LHFPL3: variants seen among roughly 807,000 people sequenced by gnomAD.
LHFPL3 encodes the protein LHFPL tetraspan subfamily member 3 protein.
LHFPL3 carries 5 observed loss-of-function variants against 19.3 expected under a neutral mutation model. The ratio of observed to expected loss-of-function variants is 0.26; its 90% CI spans 0.14 to 0.54. The LOEUF is 0.54. LHFPL3 is among the 20% of genes least tolerant of loss of function. The pLI is 0.94. For synonymous variants in LHFPL3, 133 were observed against 126.2 expected (o/e 1.05, Z -0.36); for missense variants, 249 against 307.4 (o/e 0.81, Z 1.42).
chr7:104,655,941 A>C (rs953385690), intron 1 of LHFPL3, among the ~76,000 whole-genome samples: 1 of 152,226 alleles, frequency 6.6e-6, no homozygotes, highest in Non-Finnish European at 1.5e-5. Flanking sequence ...AGAACTAGGT[A>C]ATATAAGAAT....
chr7:104,329,423 G>A (rs1204694259), intron 1 of LHFPL3, among the ~76,000 whole-genome samples, 199 bp downstream of exon 1: 1 of 152,204 alleles, frequency 6.6e-6, no homozygotes, highest in Non-Finnish European at 1.5e-5. Context: ...CTGGCGCCTC[G>A]TCCCGGGGCT....
chr7:104,875,659 G>A (rs1299388787), intron 2 of LHFPL3, among the ~76,000 whole-genome samples: 1 of 152,138 alleles, frequency 6.6e-6, no homozygotes, highest in Non-Finnish European at 1.5e-5. Flanking sequence ...ACCTTAACAA[G>A]CCTCTTTAGA....
chr7:104,391,940 T>G (rs565587517), intron 1 of LHFPL3, among the ~76,000 whole-genome samples: 1 of 152,220 alleles, frequency 6.6e-6, no homozygotes, highest in South Asian at 2.1e-4. Flanking sequence ...TTATTCTTTT[T>G]GAAGCAATTG....
At chr7:104,397,913 T>A (rs1260551467) in intron 1 of LHFPL3, among the ~76,000 whole-genome samples, 1 of 152,162 alleles carries the variant, frequency 6.6e-6, no homozygotes, top group African/African-American at 2.4e-5. Flanking sequence ...TACCTTGAGT[T>A]TCATTGAGAG....
chr7:104,500,189 C>T (rs1793573923), intron 1 of LHFPL3, among the ~76,000 whole-genome samples: 1 of 152,202 alleles, frequency 6.6e-6, no homozygotes, highest in South Asian at 2.1e-4. Flanking sequence ...TGACGTCATT[C>T]TTCTGAGGTT....
intron 1 of LHFPL3, among the ~76,000 whole-genome samples, chr7:104,543,082 C>G (rs1794518504): frequency 6.6e-6 from 1 of 152,036 alleles, no homozygotes; most frequent in South Asian, 2.1e-4. Context: ...TGTTCTGACT[C>G]ATTAAGTGTG....
chr7:104,718,011 A>G (rs1200108558), intron 1 of LHFPL3, among the ~76,000 whole-genome samples: 23 of 152,216 alleles, frequency 1.5e-4, no homozygotes, highest in Admixed American at 1.5e-3. Flanking sequence ...ATGCAATACC[A>G]TAGATAAATC....
intron 2 of LHFPL3, among the ~76,000 whole-genome samples, chr7:104,758,088 C>T (rs1584518539): frequency 1.3e-5 from 2 of 152,008 alleles, no homozygotes; most frequent in South Asian, 2.1e-4. Context: ...TCATCCTAAG[C>T]GAATTAACAG....
chr7:104,530,404 A>G (rs796210362), intron 1 of LHFPL3, among the ~76,000 whole-genome samples: 13 of 152,320 alleles, frequency 8.5e-5, no homozygotes, highest in African/African-American at 3.1e-4. Context: ...TTATATTTCC[A>G]ATACACCCAG....
At chr7:104,553,387 T>C (rs559088521) in intron 1 of LHFPL3, among the ~76,000 whole-genome samples, 97 of 152,310 alleles carry the variant, frequency 6.4e-4, no homozygotes, top group South Asian at 1.0e-3. Context: ...TAAAAAGTTA[T>C]AAAGAGTCTA....
intron 1 of LHFPL3, among the ~76,000 whole-genome samples, chr7:104,688,344 C>T (rs573435419): frequency 6.6e-6 from 1 of 152,184 alleles, no homozygotes; most frequent in African/African-American, 2.4e-5. Context: ...GCTGAAATTG[C>T]GGAAAATCAG....
At chr7:104,827,587 CTGTCTCAAATA>C (rs779330231) in intron 2 of LHFPL3, among the ~76,000 whole-genome samples, 3 of 151,400 alleles carry the variant, frequency 2.0e-5, no homozygotes, top group Non-Finnish European at 4.4e-5. Flanking sequence ...TATTTAAACA[CTGTCTCAAATA>C]TCTGTTTTGT....
At chr7:104,396,928 A>G (rs1010498825) in intron 1 of LHFPL3, among the ~76,000 whole-genome samples, 5 of 152,122 alleles carry the variant, frequency 3.3e-5, no homozygotes, top group African/African-American at 1.2e-4. Flanking sequence ...CGAGATCGCA[A>G]CATTGCACTC....
intron 1 of LHFPL3, among the ~76,000 whole-genome samples, chr7:104,696,786 C>G (rs532096461): frequency 6.6e-6 from 1 of 151,970 alleles, no homozygotes; most frequent in Non-Finnish European, 1.5e-5. Context: ...AATTTTTTTG[C>G]GGAGTTGGAT....
chr7:104,602,422 C>T (rs773854663), intron 1 of LHFPL3, among the ~76,000 whole-genome samples: 1 of 152,166 alleles, frequency 6.6e-6, no homozygotes, highest in Non-Finnish European at 1.5e-5. Flanking sequence ...CAAGACAAGG[C>T]AACTAGTGGA....
intron 1 of LHFPL3, among the ~76,000 whole-genome samples, chr7:104,479,017 A>T (rs1018535326): frequency 6.6e-6 from 1 of 151,870 alleles, no homozygotes. Context: ...TACTAGCACC[A>T]CTCCTAAGAA....
intron 1 of LHFPL3, among the ~76,000 whole-genome samples, chr7:104,625,842 T>G (rs1791534105): frequency 6.6e-6 from 1 of 152,160 alleles, no homozygotes; most frequent in Admixed American, 6.5e-5. Flanking sequence ...CCAAATACAA[T>G]GAAGGATTAC....
chr7:104,641,569 A>G (rs1407874408), intron 1 of LHFPL3, among the ~76,000 whole-genome samples: 3 of 152,224 alleles, frequency 2.0e-5, no homozygotes, highest in African/African-American at 7.2e-5. Flanking sequence ...TTGAGTATAC[A>G]CTTCCCTTTC....
At chr7:104,840,909 C>CT (rs146167495) in intron 2 of LHFPL3, among the ~76,000 whole-genome samples, 5 of 151,780 alleles carry the variant, frequency 3.3e-5, no homozygotes, top group African/African-American at 4.8e-5. Context: ...TAAAGGTTGT[C>CT]TTTTTTTTAA....
Sources: allele counts gnomAD v4.1 joint callset (sites outside exome capture counted in the v4.1 genomes callset), GRCh38; gene constraint gnomAD v4.1.1; transcripts MANE v1.5; gene names NCBI Gene and HGNC (gene_info 2026-07-23, HGNC 2026-07-21).